Variants in IHO1 observed in about 807,000 individuals in gnomAD.
IHO1 encodes interactor of HORMAD1 1.
In IHO1, 13 loss-of-function variants were observed where a neutral mutation model predicts 31.0. The ratio of observed to expected loss-of-function variants is 0.42; its 90% CI spans 0.27 to 0.67. IHO1 has a LOEUF of 0.67. IHO1 is among the 30% of genes least tolerant of loss of function. The probability of loss-of-function intolerance (pLI) is 0.24; values close to 1 mark genes in which losing one functional copy is unlikely to be tolerated. For missense variants in IHO1, 599 were observed against 687.5 expected, an observed-to-expected ratio of 0.87 and a Z score of 1.44; for synonymous variants, 221 against 248.4, an observed-to-expected ratio of 0.89 and a Z score of 1.04.
At chr3:49,241,154 A>G in intron 3 of IHO1, 72 bp from the exon 4 acceptor site, 1 of 1,273,438 alleles carries the variant, frequency 7.9e-7, no homozygotes. Context: ...GTGACTCTGC[A>G]TTGTACAGAA....
At chr3:49,232,484 G>A (rs890233796) in intron 2 of IHO1, among the ~76,000 whole-genome samples, 3 of 152,188 alleles carry the variant, frequency 2.0e-5, no homozygotes, top group African/African-American at 4.8e-5. Flanking sequence ...ATAACTTGGG[G>A]TAGTGGTTAT....
chr3:49,216,713 G>T (rs369056124), intron 2 of IHO1, among the ~76,000 whole-genome samples: 1 of 150,142 alleles, frequency 6.7e-6, no homozygotes, highest in Non-Finnish European at 1.5e-5. Context: ...GGCACCCTAC[G>T]GAATGGGAGA....
chr3:49,247,134 C>T (rs1352310802), intron 6 of IHO1, among the ~76,000 whole-genome samples: 14 of 151,006 alleles, frequency 9.3e-5, no homozygotes, highest in Admixed American at 4.0e-4. Context: ...CAGGCGTGAG[C>T]TACCGCGCCT....
intron 4 of IHO1, 91 bp downstream of exon 4, chr3:49,241,480 C>A: frequency 1.1e-5 from 14 of 1,234,684 alleles, no homozygotes; most frequent in East Asian, 2.5e-5. Context: ...TCAATTTTAG[C>A]ATAATAGCAT....
chr3:49,199,750 C>T (rs2046029501), intron 1 of IHO1, 177 bp downstream of exon 1: 1 of 152,384 alleles, frequency 6.6e-6, no homozygotes, highest in South Asian at 2.1e-4. Context: ...GATGGCCGCT[C>T]TGGCTCTTGA....
chr3:49,212,194 G>A (rs1439869404), intron 2 of IHO1, among the ~76,000 whole-genome samples: 8 of 144,734 alleles, frequency 5.5e-5, no homozygotes, highest in African/African-American at 2.1e-4. Context: ...GGATTTTCCA[G>A]TTTCATTGAT....
At chr3:49,250,745 C>A (rs1355417358) in intron 6 of IHO1, among the ~76,000 whole-genome samples, 1 of 152,012 alleles carries the variant, frequency 6.6e-6, no homozygotes, top group Non-Finnish European at 1.5e-5. Context: ...CTAAAAAATT[C>A]TTTGGGCCAG....
chr3:49,217,654 A>G (rs1423304731), intron 2 of IHO1, among the ~76,000 whole-genome samples: 5 of 151,990 alleles, frequency 3.3e-5, no homozygotes, highest in African/African-American at 9.7e-5. Context: ...AAAAAAAAAA[A>G]AAAGAAAAAA....
chr3:49,234,091 G>A (rs996886963), intron 2 of IHO1, among the ~76,000 whole-genome samples: 1 of 150,110 alleles, frequency 6.7e-6, no homozygotes. Flanking sequence ...GAAAAAAAAG[G>A]AAAAGCATGC....
At chr3:49,247,424 G>A (rs1169492826) in intron 6 of IHO1, among the ~76,000 whole-genome samples, 1 of 150,710 alleles carries the variant, frequency 6.6e-6, no homozygotes, top group African/African-American at 2.4e-5. Context: ...TAGAGACAAG[G>A]TTTCATCATG....
At chr3:49,248,358 G>T (rs543408719) in intron 6 of IHO1, among the ~76,000 whole-genome samples, 31 of 152,222 alleles carry the variant, frequency 2.0e-4, no homozygotes, top group African/African-American at 5.8e-4. Flanking sequence ...TGGGGAGGTT[G>T]CAGTGAGCCG....
intron 2 of IHO1, among the ~76,000 whole-genome samples, chr3:49,218,852 T>G (rs2046319196): frequency 6.6e-6 from 1 of 152,048 alleles, no homozygotes; most frequent in Non-Finnish European, 1.5e-5. Context: ...TACCTTACAA[T>G]GACAAAACCC....
intron 1 of IHO1, among the ~76,000 whole-genome samples, chr3:49,205,362 A>T (rs1158311631): frequency 6.6e-6 from 1 of 150,382 alleles, no homozygotes; most frequent in Non-Finnish European, 1.5e-5. Flanking sequence ...ACTGTCACCC[A>T]GGCTGGAGTG....
chr3:49,244,883 G>A, intron 6 of IHO1, 150 bp downstream of exon 6: 3 of 733,726 alleles, frequency 4.1e-6, no homozygotes, highest in Non-Finnish European at 4.9e-6. Context: ...GAAGAGATGT[G>A]GAGCACACTG....
At chr3:49,242,962 C>T (rs1286099514) in intron 4 of IHO1, among the ~76,000 whole-genome samples, 1 of 152,060 alleles carries the variant, frequency 6.6e-6, no homozygotes, top group African/African-American at 2.4e-5. Flanking sequence ...AGACTCTTGT[C>T]ACAGATGTTT....
chr3:49,221,922 G>T (rs34489947), intron 2 of IHO1, among the ~76,000 whole-genome samples: 7 of 152,160 alleles, frequency 4.6e-5, no homozygotes, highest in Non-Finnish European at 1.5e-5. Context: ...TCCTATAAAC[G>T]CCGGGTGGCA....
chr3:49,244,810 T>A (rs2107731384), intron 6 of IHO1, 77 bp downstream of exon 6: 1 of 1,278,552 alleles, frequency 7.8e-7, no homozygotes, highest in Middle Eastern at 1.8e-4. Flanking sequence ...CCCAGCCTGG[T>A]TTCCAGTGGT....
intron 2 of IHO1, among the ~76,000 whole-genome samples, chr3:49,234,580 T>C (rs981612877): frequency 6.6e-6 from 1 of 152,084 alleles, no homozygotes; most frequent in African/African-American, 2.4e-5. Flanking sequence ...CATCTCCAAA[T>C]ACTATCACAT....
intron 2 of IHO1, among the ~76,000 whole-genome samples, chr3:49,214,700 C>T (rs71324940): frequency 1.4e-4 from 18 of 126,438 alleles, no homozygotes; most frequent in Non-Finnish European, 1.9e-4. Context: ...AGTGCAATGG[C>T]GTGGTCTCAG....
Sources: gnomAD v4.1 joint callset for allele counts (sites outside exome capture counted in the v4.1 genomes callset) on GRCh38, gnomAD v4.1.1 for gene constraint, MANE v1.5 for transcripts, NCBI Gene and HGNC (gene_info 2026-07-23, HGNC 2026-07-21) for gene names.